The following PRRC1 variants were observed in gnomAD, a reference collection of about 807,000 sequenced individuals.
The protein encoded by PRRC1 is protein PRRC1.
In PRRC1, 39 loss-of-function variants were observed where a neutral mutation model predicts 40.7. The ratio of observed to expected loss-of-function variants is 0.96; its 90% CI spans 0.74 to 1.25. The LOEUF is 1.25. PRRC1 is among the 50% of genes most tolerant of loss of function. The pLI, the probability that PRRC1 is intolerant of heterozygous loss-of-function variation, is 0.00. For synonymous variants in PRRC1, 175 were observed against 193.3 expected (o/e 0.91, Z 0.79); for missense variants, 573 against 548.3 (o/e 1.05, Z -0.45).
chr5:127,546,442 C>A (rs1415332804), intron 7 of PRRC1, among the ~76,000 whole-genome samples: 2 of 152,132 alleles, frequency 1.3e-5, no homozygotes, highest in Middle Eastern at 3.2e-3. Context: ...GGTGCTGTCT[C>A]TCTGAATGCA....
At chr5:127,519,805 T>A (rs983179915) in intron 1 of PRRC1, among the ~76,000 whole-genome samples, 1 of 152,258 alleles carries the variant, frequency 6.6e-6, no homozygotes, top group East Asian at 1.9e-4. Flanking sequence ...TCTACTTAGA[T>A]GTTTGTTTCA....
chr5:127,552,986 CT>C lies in PRRC1; in HGVS notation c.*1071del. Reference sequence around the variant, plus strand: ...TTCTATTTCGTGGAAGCCTTTTCCCCTCAAATAATATATTATATCATTTTTG... The same window carrying C: ...TTCTATTTCGTGGAAGCCTTTTCCCCCAAATAATATATTATATCATTTTTG... On this transcript the variant is annotated 3_prime_UTR_variant, in exon 9 of 9. Transcript: ENST00000296666. 7.5e-6 allele frequency: 6 copies of C among 797,974 alleles called. No individual in the cohort carries two copies. Among genetic ancestry groups the C allele is most frequent in the Non-Finnish European group, 9.1e-6 (6 of 660,210 alleles). The allele number at this position is 797,974 out of a possible 1,614,324, so 49.4% of individuals were successfully genotyped here.
At chr5:127,546,088 C>T (rs78511670) in intron 7 of PRRC1, among the ~76,000 whole-genome samples, 8,190 of 152,200 alleles carry the variant, frequency 0.054, 745 homozygotes, top group African/African-American at 0.19. Flanking sequence ...GCCCATTCAC[C>T]TTTGACAGTG....
In PRRC1 at chr5:127,524,520, CT is replaced by C. The variant is rs760465877; in HGVS notation, c.104-5del. On this transcript the variant is annotated splice_polypyrimidine_tract_variant and intron_variant, in intron 2 of 8. Transcript: ENST00000296666. ...TAATTCTGTGCTTTTATCCTCTCCA[CT>C]TTTTTCTAGCGGCAACCAGTTCTTT... The C allele has an allele frequency of 1.9e-6, 3 of 1,585,912 alleles. No homozygotes were observed. The highest frequency in any genetic ancestry group is 2.6e-6 in the Non-Finnish European group (3 of 1,163,884).
At chr5:127,544,501 G>A (rs1580948720) in intron 7 of PRRC1, among the ~76,000 whole-genome samples, 2 of 152,268 alleles carry the variant, frequency 1.3e-5, no homozygotes, top group African/African-American at 4.8e-5. Flanking sequence ...TACAGAGGCA[G>A]GCAGCCCTCC....
Position 127,553,750 on chromosome 5 carries a change from T to G in PRRC1, c.*1834T>G. ...CCAAGTCACAAATGTCTTTTTGATG[T>G]TTTGAGAATTGTTCTCATAGAATCA... On this transcript the variant is annotated 3_prime_UTR_variant, in exon 9 of 9. Transcript: ENST00000296666. The G allele has an allele frequency of 6.6e-7, 1 of 1,520,336 alleles. No individual in the cohort carries two copies. The highest frequency in any genetic ancestry group is 8.8e-7 in the Non-Finnish European group (1 of 1,142,236). 94.2% of individuals were successfully genotyped at this position (1,520,336 alleles called of 1,614,324 possible).
At chr5:127,544,097 G>T (rs1768138169) in intron 7 of PRRC1, among the ~76,000 whole-genome samples, 1 of 152,152 alleles carries the variant, frequency 6.6e-6, no homozygotes. Context: ...TAACAGACAG[G>T]ACCCTCATCT....
rs76487993 is a variant in PRRC1, at chr5:127,554,958, G to C, written c.*3042G>C. Reference sequence around the variant, plus strand: ...AGTTGGGCTATACATAAATTATTAAGAAATATGGATTTTTATTCCCAGGAT... The same window carrying C: ...AGTTGGGCTATACATAAATTATTAACAAATATGGATTTTTATTCCCAGGAT... On this transcript the variant is annotated 3_prime_UTR_variant, in exon 9 of 9. Transcript: ENST00000296666. The C allele has an allele frequency of 6.6e-6, 1 of 152,486 alleles. No homozygotes were observed. Among genetic ancestry groups the C allele is most frequent in the African/African-American group, 2.4e-5 (1 of 41,392 alleles). The allele number at this position is 152,486 out of a possible 1,614,324, so 9.4% of individuals were successfully genotyped here. A position where few individuals can be genotyped will look rare whatever the true frequency, so the allele number is the denominator to read the frequency against.
chr5:127,521,150 T>C (rs965763226), intron 1 of PRRC1, among the ~76,000 whole-genome samples: 1 of 152,196 alleles, frequency 6.6e-6, no homozygotes, highest in African/African-American at 2.4e-5. Flanking sequence ...CCCTGTTCTT[T>C]GTTCTTCATT....
chr5:127,550,224 T>C (rs1768340893), intron 8 of PRRC1: 2 of 152,120 alleles, frequency 1.3e-5, no homozygotes, highest in Admixed American at 1.3e-4. Flanking sequence ...TTTGTTTTAT[T>C]TTGTGTCATT....
chr5:127,554,174 AT>A lies in PRRC1; in HGVS notation c.*2259del, dbSNP rs1388797995. On this transcript the variant is annotated 3_prime_UTR_variant, in exon 9 of 9. Coordinates refer to ENST00000296666, the MANE Select transcript of PRRC1 (RefSeq NM_130809.5). ...TAGTGGTGGTGTTTAGGCATAAGAT[AT>A]GCTGATCATCAGTCTCAGGCCACAG... The A allele has an allele frequency of 3.8e-6, 1 of 262,694 alleles. No individual in the cohort carries two copies. The highest frequency in any genetic ancestry group is 2.3e-5 in the African/African-American group (1 of 44,380). The allele number at this position is 262,694 out of a possible 1,614,324, so 16.3% of individuals were successfully genotyped here.
intron 1 of PRRC1, among the ~76,000 whole-genome samples, chr5:127,519,272 C>T (rs528552259): frequency 6.6e-6 from 1 of 152,252 alleles, no homozygotes; most frequent in East Asian, 1.9e-4. Flanking sequence ...TATTTACCTT[C>T]GATGTATAGG....
chr5:127,539,983 G>C (rs1767998228), intron 7 of PRRC1, among the ~76,000 whole-genome samples: 1 of 152,080 alleles, frequency 6.6e-6, no homozygotes, highest in Non-Finnish European at 1.5e-5. Context: ...GCTTGAACTG[G>C]ATTTTGAAGA....
intron 5 of PRRC1, among the ~76,000 whole-genome samples, chr5:127,532,232 C>A (rs140115732): frequency 4.6e-4 from 70 of 152,020 alleles, no homozygotes; most frequent in African/African-American, 1.6e-3. Flanking sequence ...CCTCAGCCTC[C>A]TGAGTAGCTG....
Position 127,553,738 on chromosome 5 carries a change from G to GTCTT in PRRC1, c.*1824_*1827dup. On this transcript the variant is annotated 3_prime_UTR_variant, in exon 9 of 9. Transcript: ENST00000296666. Reference sequence around the variant, plus strand: ...ATTTTTATTTTACCAAGTCACAAATGTCTTTTTGATGTTTTGAGAATTGTT... The same window carrying GTCTT: ...ATTTTTATTTTACCAAGTCACAAATGTCTTTCTTTTTGATGTTTTGAGAATTGTT... 1 of 1,513,408 alleles carries GTCTT rather than the reference G, an allele frequency of 6.6e-7. No individual in the cohort carries two copies. Among genetic ancestry groups the GTCTT allele is most frequent in the East Asian group, 2.5e-5 (1 of 40,374 alleles). The allele number at this position is 1,513,408 out of a possible 1,614,324, so 93.7% of individuals were successfully genotyped here. A position where few individuals can be genotyped will look rare whatever the true frequency, so the allele number is the denominator to read the frequency against.
chr5:127,552,942 T>C lies in PRRC1; in HGVS notation c.*1026T>C. On this transcript the variant is annotated 3_prime_UTR_variant, in exon 9 of 9. Coordinates refer to ENST00000296666, the MANE Select transcript of PRRC1 (RefSeq NM_130809.5). The stretch of plus-strand genomic sequence containing the variant: ...AGAAACTATTTTATATTCAATCTAG[T>C]TTATTTAGTCTACTGTATTTCTATT... 1 of 880,490 alleles carries C rather than the reference T, an allele frequency of 1.1e-6. No homozygotes were observed. The highest frequency in any genetic ancestry group is 1.8e-5 in the African/African-American group (1 of 54,446). The allele number at this position is 880,490 out of a possible 1,614,324, so 54.5% of individuals were successfully genotyped here.
rs755575630 is a variant in PRRC1 at position 127,551,690 on chromosome 5, A to G, written c.1129-17A>G. ...TTTAAATGTATTATAAGTAATATCA[A>G]TTTCATCTTTCCACAGGCTCAAAGT... On this transcript the variant is annotated splice_polypyrimidine_tract_variant and intron_variant, in intron 8 of 8. Coordinates refer to ENST00000296666, the MANE Select transcript of PRRC1 (RefSeq NM_130809.5). The G allele has an allele frequency of 1.9e-6, 3 of 1,612,662 alleles. No individual in the cohort carries two copies. Among genetic ancestry groups the G allele is most frequent in the African/African-American group, 2.7e-5 (2 of 74,974 alleles).
intron 7 of PRRC1, among the ~76,000 whole-genome samples, chr5:127,543,339 T>G (rs1247792215): frequency 1.3e-5 from 2 of 151,872 alleles, no homozygotes; most frequent in African/African-American, 4.8e-5. Context: ...GTGAATCTGA[T>G]AATTATGTGT....
chr5:127,520,315 A>G (rs1199613196), intron 1 of PRRC1, among the ~76,000 whole-genome samples: 2 of 152,218 alleles, frequency 1.3e-5, no homozygotes, highest in Non-Finnish European at 2.9e-5. Context: ...AACTACTTCT[A>G]TATCTTCCTT....
Sources: gnomAD v4.1 joint callset for allele counts (sites outside exome capture counted in the v4.1 genomes callset) on GRCh38, gnomAD v4.1.1 for gene constraint, MANE v1.5 for transcripts, NCBI Gene and HGNC (gene_info 2026-07-23, HGNC 2026-07-21) for gene names.